The following SOX6 variants were observed in gnomAD, a reference collection of about 807,000 sequenced individuals.
SOX6 encodes transcription factor SOX-6.
In SOX6, 11 loss-of-function variants were observed where a neutral mutation model predicts 97.8. That is an observed-to-expected ratio of 0.11 (90% confidence interval 0.07 to 0.19). The LOEUF (loss-of-function observed/expected upper bound fraction) is 0.19. SOX6 is among the 10% of genes least tolerant of loss of function. SOX6 has a pLI of 1.00. For synonymous variants in SOX6, 360 were observed against 371.4 expected (o/e 0.97, Z 0.35); for missense variants, 810 against 1,039.5 (o/e 0.78, Z 3.04).
chr11:16,504,440 C>T (rs1860753414), intron 4 of SOX6, among the ~76,000 whole-genome samples: 1 of 151,602 alleles, frequency 6.6e-6, no homozygotes, highest in African/African-American at 2.4e-5. Flanking sequence ...TTCTATGCAC[C>T]AATAATAAAT....
chr11:16,639,556 G>A (rs1474567274), intron 3 of SOX6, among the ~76,000 whole-genome samples: 1 of 152,180 alleles, frequency 6.6e-6, no homozygotes, highest in Non-Finnish European at 1.5e-5. Flanking sequence ...AGCATGGAGT[G>A]TTCTTCCAGT....
intron 4 of SOX6, among the ~76,000 whole-genome samples, chr11:16,210,455 T>C (rs1852189968): frequency 6.6e-6 from 1 of 152,024 alleles, no homozygotes; most frequent in Non-Finnish European, 1.5e-5. Flanking sequence ...AGATAGAAAG[T>C]AGATTAGTGG....
At position 16,102,210 on chromosome 11, in the gene SOX6, C is replaced by T. The variant is rs529041041; in HGVS notation, c.899-4522G>A. Among the ~76,000 whole-genome samples the T allele has an allele frequency of 9.2e-5, 14 of 151,696 alleles. No homozygotes were observed. The South Asian group carries it at 2.1e-3, about 22-fold the overall frequency. ...CAGGATACAAAATTAATGTACACAA[C>T]GTAGTGGCTCTGCTATACACCAACA... On this transcript the variant is annotated intron_variant, in intron 7 of 15. Transcript: ENST00000683767.
intron 1 of SOX6, among the ~76,000 whole-genome samples, chr11:16,413,802 G>A (rs1267924441): frequency 2.0e-5 from 2 of 99,182 alleles, no homozygotes; most frequent in Non-Finnish European, 4.4e-5. Flanking sequence ...TTACAGGCAT[G>A]AGCCACCGCG....
intron 1 of SOX6, among the ~76,000 whole-genome samples, chr11:16,391,755 G>A (rs1281008384): frequency 6.6e-6 from 1 of 152,036 alleles, no homozygotes; most frequent in Non-Finnish European, 1.5e-5. Context: ...TCATGCAAAT[G>A]ATTTAAGAGA....
Position 16,341,233 on chromosome 11 carries a change from C to T in SOX6, c.16G>A (p.Ala6Thr), listed in dbSNP as rs1364538956. 18 of 1,613,076 alleles carry T rather than the reference C, an allele frequency of 1.1e-5. No homozygotes were observed. The highest frequency in any genetic ancestry group is 1.4e-5 in the Non-Finnish European group (17 of 1,179,470). Reference protein sequence around the residue: MSSKQATSPFACAADG... With the variant: MSSKQTTSPFACAADG... ...GCTGCACAGGCAAATGGAGAGGTGG[C>T]TTGCTTGGAAGACATTCTTCTGCAG... The change falls in exon 2 of 16, where the codon GCC becomes ACC. Residue 6 changes from alanine (A) to threonine (T), a missense_variant. By Grantham distance (58) the Ala-to-Thr change is moderately conservative (BLOSUM62 0). Transcript: ENST00000683767.
intron 1 of SOX6, among the ~76,000 whole-genome samples, chr11:16,401,848 C>T (rs1858567430): frequency 6.6e-6 from 1 of 151,488 alleles, no homozygotes; most frequent in Non-Finnish European, 1.5e-5. Flanking sequence ...CCAAGTCCAG[C>T]TTCAGTCACA....
intron 4 of SOX6, among the ~76,000 whole-genome samples, chr11:16,500,013 A>G (rs1860675215): frequency 6.6e-6 from 1 of 152,238 alleles, no homozygotes; most frequent in Admixed American, 6.5e-5. Flanking sequence ...ACAAAAAAAG[A>G]GAATTTTAGA....
chr11:16,433,514 T>C (rs1859309706), intron 1 of SOX6, among the ~76,000 whole-genome samples: 1 of 152,110 alleles, frequency 6.6e-6, no homozygotes. Context: ...CTTTCAATTA[T>C]CAACCAATGG....
chr11:16,311,799 T>C (rs1470937343), intron 3 of SOX6: 2 of 152,186 alleles, frequency 1.3e-5, no homozygotes, highest in African/African-American at 2.4e-5. Flanking sequence ...TTGTTTAAAC[T>C]ATACCATATA....
At chr11:16,188,313 TA>T (rs1323278799) in intron 4 of SOX6, among the ~76,000 whole-genome samples, 3 of 151,550 alleles carry the variant, frequency 2.0e-5, no homozygotes, top group Admixed American at 6.6e-5. Flanking sequence ...AAATCAAAAT[TA>T]AAGGAAAAAT....
At chr11:16,430,750 C>T (rs1859257005) in intron 1 of SOX6, among the ~76,000 whole-genome samples, 1 of 152,138 alleles carries the variant, frequency 6.6e-6, no homozygotes, top group Non-Finnish European at 1.5e-5. Context: ...GCTTCAGCAG[C>T]CCAAGTTGAC....
chr11:16,123,857 A>G (rs1040190738), intron 6 of SOX6, among the ~76,000 whole-genome samples: 4 of 152,118 alleles, frequency 2.6e-5, no homozygotes, highest in African/African-American at 7.2e-5. Context: ...TCGCTGTTAA[A>G]GAAGGTAAGG....
At chr11:16,348,432 A>G (rs1856825563) in intron 1 of SOX6, among the ~76,000 whole-genome samples, 1 of 152,202 alleles carries the variant, frequency 6.6e-6, no homozygotes. Context: ...AAATTTTTCA[A>G]CAGAGGAAAC....
intron 6 of SOX6, among the ~76,000 whole-genome samples, chr11:16,167,612 A>G (rs529248302): frequency 1.7e-4 from 26 of 152,086 alleles, no homozygotes; most frequent in Non-Finnish European, 3.1e-4. Flanking sequence ...GGCCAGCCAT[A>G]CTGTCCCTGA....
chr11:16,502,654 C>T (rs4132854), intron 4 of SOX6, among the ~76,000 whole-genome samples: 1 of 151,662 alleles, frequency 6.6e-6, no homozygotes, highest in East Asian at 1.9e-4. Flanking sequence ...TTGAAATAAC[C>T]AAGTCAGATT....
intron 1 of SOX6, among the ~76,000 whole-genome samples, chr11:16,342,167 T>C (rs1856658516): frequency 6.6e-6 from 1 of 151,994 alleles, no homozygotes; most frequent in Non-Finnish European, 1.5e-5. Context: ...TGTGCTCTCA[T>C]ATAAAATCAG....
At chr11:16,637,692 A>T (rs1270289592) in intron 3 of SOX6, among the ~76,000 whole-genome samples, 1 of 152,170 alleles carries the variant, frequency 6.6e-6, no homozygotes, top group Non-Finnish European at 1.5e-5. Context: ...TCATCTAAGA[A>T]TGAGGGTGGG....
intron 3 of SOX6, among the ~76,000 whole-genome samples, chr11:16,663,418 G>A (rs1216762409): frequency 1.3e-5 from 2 of 152,038 alleles, no homozygotes; most frequent in African/African-American, 4.8e-5. Context: ...AAACTCCTGG[G>A]CTCAAGGGAT....
Sources: gnomAD v4.1 joint callset for allele counts (sites outside exome capture counted in the v4.1 genomes callset) on GRCh38, gnomAD v4.1.1 for gene constraint, MANE v1.5 for transcripts, NCBI Gene and HGNC (gene_info 2026-07-23, HGNC 2026-07-21) for gene names.